CENPP: variants seen among roughly 807,000 people sequenced by gnomAD.
CENPP encodes the protein centromere protein P.
CENPP carries 24 observed loss-of-function variants against 35.6 expected under a neutral mutation model. The observed-to-expected ratio is 0.67, with a 90% CI of 0.49 to 0.95. The LOEUF (loss-of-function observed/expected upper bound fraction) is 0.95, where lower values mean the gene tolerates loss of function less well. Ranked by LOEUF, CENPP falls within the 40% of genes least tolerant of loss-of-function variation. The pLI, the probability that CENPP is intolerant of heterozygous loss-of-function variation, is 0.00. For missense variants in CENPP, 332 were observed against 345.3 expected, an observed-to-expected ratio of 0.96 and a Z score of 0.31; for synonymous variants, 120 against 125.5, an observed-to-expected ratio of 0.96 and a Z score of 0.29.
chr9:92,333,996 T>C (rs981573187), intron 2 of CENPP, among the ~76,000 whole-genome samples: 1 of 152,238 alleles, frequency 6.6e-6, no homozygotes, highest in Non-Finnish European at 1.5e-5. Context: ...CTTTTGGAAT[T>C]TCCTTCAGTG....
intron 5 of CENPP, among the ~76,000 whole-genome samples, chr9:92,449,301 C>T (rs1341790422): frequency 1.3e-5 from 2 of 151,506 alleles, no homozygotes; most frequent in African/African-American, 4.8e-5. Context: ...ATTAGCCGGG[C>T]GTGGTGGCGG....
chr9:92,618,454 C>T lies in CENPP; in HGVS notation c.*5305C>T. On this transcript the variant is annotated 3_prime_UTR_variant, in exon 8 of 8. Transcript: ENST00000375587. ...CGAGGTGAGTAACATGTCTGTCCTT[C>T]AGCGGCCTTTCACAGCCCACCTAAG... is the stretch of plus-strand genomic sequence containing the variant. The T allele has an allele frequency of 2.2e-6, 1 of 456,706 alleles. No homozygotes were observed. The highest frequency in any genetic ancestry group is 1.5e-5 in the South Asian group (1 of 64,564). 28.3% of individuals were successfully genotyped at this position (456,706 alleles called of 1,614,324 possible). A position where few individuals can be genotyped will look rare whatever the true frequency, so the allele number is the denominator to read the frequency against.
chr9:92,385,613 A>G (rs186110152), intron 5 of CENPP: 1 of 1,612,662 alleles, frequency 6.2e-7, no homozygotes, highest in East Asian at 2.2e-5. Flanking sequence ...TGTTGTACCA[A>G]TAGAGGTTAA....
At chr9:92,536,021 A>G (rs1849145621) in intron 5 of CENPP, 1 of 509,356 alleles carries the variant, frequency 2.0e-6, no homozygotes, top group Non-Finnish European at 3.9e-6. Flanking sequence ...TTTAAAAACA[A>G]AGAAAGGACA....
intron 5 of CENPP, among the ~76,000 whole-genome samples, chr9:92,419,462 G>A (rs1480671410): frequency 4.6e-5 from 7 of 151,694 alleles, no homozygotes; most frequent in African/African-American, 1.5e-4. Flanking sequence ...CACCACACCC[G>A]GCTAATTTTT....
intron 4 of CENPP, among the ~76,000 whole-genome samples, chr9:92,357,246 T>G (rs868384906): frequency 6.6e-6 from 1 of 151,812 alleles, no homozygotes; most frequent in African/African-American, 2.4e-5. Flanking sequence ...CCATATGTTC[T>G]AAGAGTCTAT....
intron 5 of CENPP, among the ~76,000 whole-genome samples, chr9:92,589,982 C>G (rs555930110): frequency 6.6e-6 from 1 of 152,270 alleles, no homozygotes; most frequent in Middle Eastern, 3.4e-3. Flanking sequence ...CATCCCTGCT[C>G]CCCCACACCT....
chr9:92,426,700 G>A (rs1236826053), intron 5 of CENPP, among the ~76,000 whole-genome samples: 4 of 152,132 alleles, frequency 2.6e-5, no homozygotes, highest in Admixed American at 6.5e-5. Flanking sequence ...GTGTCTCACC[G>A]TTGGAGTGGA....
intron 5 of CENPP, among the ~76,000 whole-genome samples, chr9:92,421,439 A>C (rs185017754): frequency 1.3e-5 from 2 of 152,204 alleles, no homozygotes; most frequent in Non-Finnish European, 2.9e-5. Flanking sequence ...CACTACAGTC[A>C]GTGTTCGTGG....
At chr9:92,363,481 G>C (rs1841814029) in intron 4 of CENPP, among the ~76,000 whole-genome samples, 1 of 152,098 alleles carries the variant, frequency 6.6e-6, no homozygotes, top group Non-Finnish European at 1.5e-5. Context: ...ATGCTGTATA[G>C]GTTTATAGCC....
intron 5 of CENPP, among the ~76,000 whole-genome samples, chr9:92,579,099 T>A (rs1272784324): frequency 6.6e-6 from 1 of 150,862 alleles, no homozygotes; most frequent in Non-Finnish European, 1.5e-5. Flanking sequence ...TTGTCAAAGA[T>A]CAGATAGTTG....
chr9:92,576,971 A>G (rs970324534), intron 5 of CENPP, among the ~76,000 whole-genome samples: 1 of 152,204 alleles, frequency 6.6e-6, no homozygotes, highest in Non-Finnish European at 1.5e-5. Context: ...AATAAAAGAA[A>G]AGCAATTTTA....
chr9:92,406,845 A>G (rs983330925), intron 5 of CENPP, among the ~76,000 whole-genome samples: 1 of 152,166 alleles, frequency 6.6e-6, no homozygotes, highest in Non-Finnish European at 1.5e-5. Context: ...CTTCACAGCT[A>G]GAGGAGGAAA....
chr9:92,575,120 G>A (rs992502315), intron 5 of CENPP, among the ~76,000 whole-genome samples: 3 of 152,102 alleles, frequency 2.0e-5, no homozygotes, highest in Non-Finnish European at 4.4e-5. Context: ...TTAGAAAACA[G>A]GAAAAGCTTC....
At chr9:92,326,458 T>C (rs1840512125) in intron 1 of CENPP, among the ~76,000 whole-genome samples, 1 of 152,204 alleles carries the variant, frequency 6.6e-6, no homozygotes, top group Admixed American at 6.5e-5. Context: ...TTTTGGTAGG[T>C]CAGCTAACCA....
chr9:92,336,850 C>T (rs552385469), intron 2 of CENPP, among the ~76,000 whole-genome samples: 1 of 152,240 alleles, frequency 6.6e-6, no homozygotes, highest in Non-Finnish European at 1.5e-5. Context: ...AAAAATATCA[C>T]TGACATTTTA....
intron 4 of CENPP, among the ~76,000 whole-genome samples, chr9:92,360,670 A>C (rs7030920): frequency 4.0e-5 from 6 of 151,884 alleles, no homozygotes; most frequent in Non-Finnish European, 8.8e-5. Context: ...ATAGTTTGTC[A>C]TATTTCTCCA....
intron 5 of CENPP, among the ~76,000 whole-genome samples, chr9:92,473,137 A>G (rs1024161454): frequency 1.3e-5 from 2 of 152,158 alleles, no homozygotes; most frequent in Non-Finnish European, 2.9e-5. Flanking sequence ...TGTGATGGGA[A>G]CACCAGCTTC....
chr9:92,552,164 ATATGTGATATGATAGATCTAT>A lies in CENPP; in HGVS notation c.565-59149_565-59129del, dbSNP rs1849626760. On this transcript the variant is annotated intron_variant, in intron 5 of 7. Transcript: ENST00000375587. The stretch of plus-strand genomic sequence containing the variant: ...ATGTGATATGATAGATCTATCATAT[ATATGTGATATGATAGATCTAT>A]CATATACACACACACACACACACAC... Among the ~76,000 whole-genome samples, 105 of 132,614 alleles carry A rather than the reference ATATGTGATATGATAGATCTAT, an allele frequency of 7.9e-4. 1 individual carries two copies. Among genetic ancestry groups the A allele is most frequent in the Non-Finnish European group, 1.0e-3 (63 of 63,172 alleles). The allele number at this position is 132,614 out of a possible 152,430, so 87.0% of individuals were successfully genotyped here.
Sources: gnomAD v4.1 joint callset for allele counts (sites outside exome capture counted in the v4.1 genomes callset) on GRCh38, gnomAD v4.1.1 for gene constraint, MANE v1.5 for transcripts, NCBI Gene and HGNC (gene_info 2026-07-23, HGNC 2026-07-21) for gene names.